The following FRY variants were observed in gnomAD, a reference collection of about 807,000 sequenced individuals.
The protein encoded by FRY is protein furry homolog.
Under a neutral mutation model 348.4 loss-of-function variants are expected in FRY, and 128 were observed. The ratio of observed to expected loss-of-function variants is 0.37; its 90% CI spans 0.32 to 0.43. FRY has a LOEUF of 0.43. FRY is among the 20% of genes least tolerant of loss of function. The probability of loss-of-function intolerance (pLI) is 1.00; values close to 1 mark genes in which losing one functional copy is unlikely to be tolerated. For missense variants in FRY, 2,736 were observed against 3,695.2 expected (o/e 0.74, Z 6.73); for synonymous variants, 1,370 against 1,374.7 (o/e 1.00, Z 0.08).
chr13:32,188,838 T>C (rs1310562975), intron 28 of FRY, among the ~76,000 whole-genome samples: 1 of 152,166 alleles, frequency 6.6e-6, no homozygotes, highest in Non-Finnish European at 1.5e-5. Flanking sequence ...CATTGAAAAC[T>C]CTACTTGTCT....
intron 1 of FRY, among the ~76,000 whole-genome samples, chr13:32,060,466 T>G (rs1430324271): frequency 6.6e-6 from 1 of 152,172 alleles, no homozygotes; most frequent in Middle Eastern, 3.2e-3. Flanking sequence ...TCCTTAAGGG[T>G]GTATGGTTTC....
chr13:32,260,345 G>T (rs963364523), intron 51 of FRY, among the ~76,000 whole-genome samples: 2 of 151,996 alleles, frequency 1.3e-5, no homozygotes, highest in African/African-American at 4.8e-5. Flanking sequence ...CAGATCATTT[G>T]TTTAGGTTAA....
intron 39 of FRY, among the ~76,000 whole-genome samples, chr13:32,227,961 A>G (rs1885680389): frequency 6.6e-6 from 1 of 152,190 alleles, no homozygotes; most frequent in Non-Finnish European, 1.5e-5. Context: ...CATGCTAGCC[A>G]GGATGGTCTC....
chr13:32,145,915 G>C (rs1007279069), intron 11 of FRY, among the ~76,000 whole-genome samples: 3 of 152,254 alleles, frequency 2.0e-5, no homozygotes, highest in Non-Finnish European at 2.9e-5. Flanking sequence ...CCATGCTGCA[G>C]ACATTGGACT....
At chr13:32,192,079 C>T (rs1012480257) in intron 28 of FRY, among the ~76,000 whole-genome samples, 1 of 151,954 alleles carries the variant, frequency 6.6e-6, no homozygotes, top group African/African-American at 2.4e-5. Flanking sequence ...AAGAGAGTGC[C>T]CAGGGGAGGG....
At position 32,210,515 on chromosome 13, in the gene FRY, A is replaced by T. The variant is rs12585719; in HGVS notation, c.4423-351A>T. Among the ~76,000 whole-genome samples, 4 of 152,374 alleles carry T rather than the reference A, an allele frequency of 2.6e-5. No individual in the cohort carries two copies. In the East Asian group the frequency reaches 7.7e-4, roughly 29 times the overall value. On this transcript the variant is annotated intron_variant, in intron 33 of 60. Transcript: ENST00000542859. ...ACTGGATTCCTTTTTAAACAAAAAT[A>T]ACTAGCAGTTTTTCCCCAGGGTTTG...
chr13:32,042,278 T>C (rs1356859660), intron 1 of FRY, among the ~76,000 whole-genome samples: 1 of 152,202 alleles, frequency 6.6e-6, no homozygotes, highest in Non-Finnish European at 1.5e-5. Flanking sequence ...GATTTTGAAA[T>C]CAGTGACTTT....
At chr13:32,106,531 G>C (rs1877562750) in intron 3 of FRY, among the ~76,000 whole-genome samples, 1 of 152,150 alleles carries the variant, frequency 6.6e-6, no homozygotes, top group Non-Finnish European at 1.5e-5. Context: ...CATTCTCAAA[G>C]TCCAGTATGG....
At chr13:32,284,321 T>C (rs1486495728) in intron 58 of FRY, among the ~76,000 whole-genome samples, 2 of 152,232 alleles carry the variant, frequency 1.3e-5, no homozygotes, top group East Asian at 1.9e-4. Flanking sequence ...ACATAATCTA[T>C]GAATGAGAAG....
intron 20 of FRY, among the ~76,000 whole-genome samples, chr13:32,176,914 A>G (rs983137533): frequency 3.3e-5 from 5 of 152,172 alleles, no homozygotes; most frequent in Admixed American, 6.5e-5. Context: ...CAATACACAG[A>G]GATTCTGGGA....
Position 32,124,383 on chromosome 13 carries a change from G to T in FRY, c.555+7G>T. 7.2e-7 allele frequency: 1 copy of T among 1,388,068 alleles called. No homozygotes were observed. Among genetic ancestry groups the T allele is most frequent in the Non-Finnish European group, 1.0e-6 (1 of 976,694 alleles). The allele number at this position is 1,388,068 out of a possible 1,614,324, so 86.0% of individuals were successfully genotyped here. A position where few individuals can be genotyped will look rare whatever the true frequency, so the allele number is the denominator to read the frequency against. ...AATAGAAGTTTTGAAACAGGTAGGT[G>T]ATTAATTTATTGTTACTTTTAGATA... On this transcript the variant is annotated splice_region_variant and intron_variant, in intron 5 of 60. Transcript: ENST00000542859.
intron 1 of FRY, among the ~76,000 whole-genome samples, chr13:32,040,759 T>C (rs972713800): frequency 6.6e-6 from 1 of 152,226 alleles, no homozygotes; most frequent in African/African-American, 2.4e-5. Context: ...GGCATGTTTT[T>C]TTTTCTATAA....
At chr13:32,162,240 T>C (rs1881488353) in intron 17 of FRY, among the ~76,000 whole-genome samples, 1 of 152,210 alleles carries the variant, frequency 6.6e-6, no homozygotes, top group Admixed American at 6.5e-5. Flanking sequence ...ATGGTATAAT[T>C]TTTAAAAAGC....
intron 22 of FRY, among the ~76,000 whole-genome samples, chr13:32,179,396 G>A (rs555773466): frequency 6.6e-6 from 1 of 152,000 alleles, no homozygotes; most frequent in Non-Finnish European, 1.5e-5. Context: ...TCTTGTTAAA[G>A]ATAGCTTTAT....
intron 48 of FRY, 110 bp from the exon 49 acceptor site, chr13:32,249,416 T>G (rs1457834551): frequency 8.5e-7 from 1 of 1,180,758 alleles, no homozygotes; most frequent in Non-Finnish European, 1.2e-6. Context: ...TGAACTTCTC[T>G]AATCTGATTT....
chr13:32,289,415 T>G (rs1475326692), intron 58 of FRY, among the ~76,000 whole-genome samples: 3 of 152,228 alleles, frequency 2.0e-5, no homozygotes, highest in African/African-American at 7.2e-5. Context: ...ACTCTCTAAT[T>G]AGTCATCCAT....
At position 32,170,530 on chromosome 13, in the gene FRY, T is replaced by C. The variant is rs373116288; in HGVS notation, c.1893-482T>C. 2.3e-3 allele frequency among the ~76,000 whole-genome samples: 353 copies of C among 152,252 alleles called. 1 individual carries two copies. The highest frequency in any genetic ancestry group is 8.2e-3 in the African/African-American group (339 of 41,548). ...GTAATTCTAAAATTAGAAGTTTGTT[T>C]TGTTTTGTTTTGTTTTGTTTTTCTG... On this transcript the variant is annotated intron_variant, in intron 17 of 60. Coordinates refer to ENST00000542859, the MANE Select transcript of FRY (RefSeq NM_023037.3).
At chr13:32,117,833 G>A (rs1015923227) in intron 4 of FRY, among the ~76,000 whole-genome samples, 1 of 152,140 alleles carries the variant, frequency 6.6e-6, no homozygotes, top group African/African-American at 2.4e-5. Flanking sequence ...TTTAGTCCTC[G>A]TTCCAGTAAC....
chr13:32,131,199 C>T (rs186585749), intron 7 of FRY, among the ~76,000 whole-genome samples: 1 of 152,272 alleles, frequency 6.6e-6, no homozygotes, highest in Non-Finnish European at 1.5e-5. Flanking sequence ...TAACAGAAAA[C>T]TTTAGAATTA....
Sources: gnomAD v4.1 joint callset for allele counts (sites outside exome capture counted in the v4.1 genomes callset) on GRCh38, gnomAD v4.1.1 for gene constraint, MANE v1.5 for transcripts, NCBI Gene and HGNC (gene_info 2026-07-23, HGNC 2026-07-21) for gene names.